Variants in MRPL13 observed in about 807,000 individuals in gnomAD.
MRPL13 encodes large ribosomal subunit protein uL13m.
MRPL13 carries 33 observed loss-of-function variants against 29.0 expected under a neutral mutation model. The observed-to-expected ratio is 1.14, with a 90% confidence interval of 0.86 to 1.52. MRPL13 has a LOEUF of 1.52. Among genes scored for constraint, MRPL13 ranks in the 40% most tolerant of loss-of-function variants. The probability of loss-of-function intolerance (pLI) is 0.00; values close to 1 mark genes in which losing one functional copy is unlikely to be tolerated. For synonymous variants in MRPL13, 77 were observed against 68.4 expected (o/e 1.13, Z -0.62); for missense variants, 227 against 216.7 (o/e 1.05, Z -0.30).
chr8:120,440,067 T>C (rs1753870742), intron 2 of MRPL13, among the ~76,000 whole-genome samples: 1 of 152,198 alleles, frequency 6.6e-6, no homozygotes, highest in Non-Finnish European at 1.5e-5. Flanking sequence ...CAAAATTTTA[T>C]GTGCTCTTGG....
intron 3 of MRPL13, among the ~76,000 whole-genome samples, chr8:120,425,968 C>T (rs978251494): frequency 3.3e-5 from 5 of 152,038 alleles, no homozygotes; most frequent in African/African-American, 1.2e-4. Context: ...GGCAGCTTAG[C>T]TTCCAGATAC....
At chr8:120,441,420 T>C (rs1011174380) in intron 2 of MRPL13, among the ~76,000 whole-genome samples, 3 of 152,110 alleles carry the variant, frequency 2.0e-5, no homozygotes, top group African/African-American at 7.2e-5. Flanking sequence ...TTCCAATTTT[T>C]GGTGAGAAGA....
chr8:120,425,462 G>A, intron 3 of MRPL13, 96 bp from the exon 4 acceptor site: 1 of 877,942 alleles, frequency 1.1e-6, no homozygotes, highest in Non-Finnish European at 1.7e-6. Context: ...TTAATAAATT[G>A]TTTCTCGAAA....
intron 5 of MRPL13, among the ~76,000 whole-genome samples, chr8:120,418,570 C>A (rs1344631075): frequency 1.3e-5 from 2 of 152,044 alleles, no homozygotes; most frequent in African/African-American, 4.8e-5. Context: ...CTTTTGGGAA[C>A]TAGGCTCATT....
chr8:120,419,983 A>G (rs776880336), intron 4 of MRPL13, 45 bp from the exon 5 acceptor site: 3 of 1,284,860 alleles, frequency 2.3e-6, no homozygotes, highest in East Asian at 2.5e-5. Flanking sequence ...GTGACTTGCG[A>G]TAGTAAGAAA....
chr8:120,434,805 G>C (rs1813034519), intron 2 of MRPL13, among the ~76,000 whole-genome samples: 2 of 152,052 alleles, frequency 1.3e-5, no homozygotes, highest in Admixed American at 6.6e-5. Flanking sequence ...GTCTGGGCCA[G>C]GTAAGCCATG....
chr8:120,440,598 C>T (rs1226058785), intron 2 of MRPL13, among the ~76,000 whole-genome samples: 1 of 75,896 alleles, frequency 1.3e-5, no homozygotes, highest in South Asian at 4.4e-4. Flanking sequence ...AAGTGAGACT[C>T]TCTCTCTCTC....
At chr8:120,435,110 C>T (rs374962190) in intron 2 of MRPL13, among the ~76,000 whole-genome samples, 23 of 152,242 alleles carry the variant, frequency 1.5e-4, no homozygotes, top group Middle Eastern at 3.4e-3. Flanking sequence ...AATCCTTTTC[C>T]ATTGATGAAC....
chr8:120,435,269 T>C (rs1343856473), intron 2 of MRPL13, among the ~76,000 whole-genome samples: 2 of 152,132 alleles, frequency 1.3e-5, no homozygotes, highest in Non-Finnish European at 2.9e-5. Flanking sequence ...GTTATATAGG[T>C]AAATTGCATG....
rs76284345 is a variant in MRPL13, at chr8:120,422,219, T to G, written c.307-2281A>C. On this transcript the variant is annotated intron_variant, in intron 4 of 6. Transcript: ENST00000306185. ...CAAACAAATGGTTGTATCCTGACAATAGATATTTATTTTTATTATTTTAGG... is the reference window on the plus strand; with the variant it reads ...CAAACAAATGGTTGTATCCTGACAAGAGATATTTATTTTTATTATTTTAGG... Among the ~76,000 whole-genome samples the G allele has an allele frequency of 3.8e-4, 57 of 151,912 alleles. No homozygotes were observed. In the East Asian group the frequency reaches 0.011, roughly 29 times the overall value.
intron 6 of MRPL13, among the ~76,000 whole-genome samples, chr8:120,408,604 T>C (rs995512190): frequency 2.0e-5 from 3 of 152,124 alleles, no homozygotes; most frequent in East Asian, 3.9e-4. Flanking sequence ...TTAAGTTAAA[T>C]TGTGTGGAGA....
chr8:120,434,104 A>G (rs374003353), intron 2 of MRPL13, among the ~76,000 whole-genome samples: 12 of 152,110 alleles, frequency 7.9e-5, no homozygotes, highest in African/African-American at 2.4e-4. Context: ...AAACTAATTC[A>G]GACAAAGTGA....
At chr8:120,411,864 C>A (rs562534003) in intron 6 of MRPL13, among the ~76,000 whole-genome samples, 2 of 152,046 alleles carry the variant, frequency 1.3e-5, no homozygotes, top group African/African-American at 2.4e-5. Flanking sequence ...CTTTCTAATT[C>A]TATTAATAAA....
Position 120,414,093 on chromosome 8 carries a change from A to G in MRPL13, c.413T>C (p.Leu138Pro). 6.3e-7 allele frequency: 1 copy of G among 1,585,100 alleles called. No individual in the cohort carries two copies. Among genetic ancestry groups the G allele is most frequent in the East Asian group, 2.3e-5 (1 of 44,174 alleles). ...AGGAAGCTCCTCTACTAAATTCTTA[A>G]GAATATCTTCTGGAATATACTACAT... is the stretch of plus-strand genomic sequence containing the variant. ...FPDEYIPEDI[L>P]KNLVEELPQP... Residue 138 changes from leucine (L) to proline (P), a missense_variant, in exon 6 of 7, where the codon CTT becomes CCT. Coordinates refer to ENST00000306185, the MANE Select transcript of MRPL13 (RefSeq NM_014078.6).
chr8:120,419,877 T>C lies in MRPL13; in HGVS notation c.368A>G (p.Glu123Gly). ...PKNLHRRTMM[E>G]RLHLFPDEYI... ...CTCATCTGGAAAAAGATGCAACCTTTCCATCATTGTTCTTCTGTGAAGGTT... is the reference window on the plus strand; with the variant it reads ...CTCATCTGGAAAAAGATGCAACCTTCCCATCATTGTTCTTCTGTGAAGGTT... The change falls in exon 5 of 7, where the codon GAA becomes GGA. Residue 123 changes from glutamate (E) to glycine (G), a missense_variant. Physicochemically the swap from Glu to Gly is moderately conservative, Grantham distance 98. Coordinates refer to ENST00000306185, the MANE Select transcript of MRPL13 (RefSeq NM_014078.6). 6.3e-7 allele frequency: 1 copy of C among 1,592,870 alleles called. No individual in the cohort carries two copies. Among genetic ancestry groups the C allele is most frequent in the South Asian group, 1.1e-5 (1 of 87,280 alleles).
chr8:120,411,130 T>C (rs1812735650), intron 6 of MRPL13, among the ~76,000 whole-genome samples: 1 of 151,944 alleles, frequency 6.6e-6, no homozygotes, highest in African/African-American at 2.4e-5. Flanking sequence ...GGCATGATCA[T>C]GGCTCACTGC....
intron 6 of MRPL13, among the ~76,000 whole-genome samples, chr8:120,410,701 C>A (rs1012383579): frequency 1.3e-5 from 2 of 152,118 alleles, no homozygotes; most frequent in African/African-American, 4.8e-5. Context: ...TCAAGAGCCA[C>A]ACGTCAACAG....
chr8:120,401,601 G>C (rs1812598550), intron 6 of MRPL13, among the ~76,000 whole-genome samples: 2 of 152,118 alleles, frequency 1.3e-5, no homozygotes, highest in African/African-American at 4.8e-5. Context: ...AAATGACAAG[G>C]ATGCCCTTTT....
intron 6 of MRPL13, among the ~76,000 whole-genome samples, chr8:120,406,416 T>C (rs1812668257): frequency 1.3e-5 from 2 of 152,172 alleles, no homozygotes; most frequent in South Asian, 4.1e-4. Context: ...TCAGGGAGGA[T>C]ATGATTCCAT....
Sources: gnomAD v4.1 joint callset for allele counts (sites outside exome capture counted in the v4.1 genomes callset) on GRCh38, gnomAD v4.1.1 for gene constraint, MANE v1.5 for transcripts, NCBI Gene and HGNC (gene_info 2026-07-23, HGNC 2026-07-21) for gene names.